DNAH1: variants seen among roughly 807,000 people sequenced by gnomAD.
DNAH1 encodes the protein dynein axonemal heavy chain 1, also known as axonemal beta dynein heavy chain 1.
Under a neutral mutation model 484.3 loss-of-function variants are expected in DNAH1, and 327 were observed. That is an observed-to-expected ratio of 0.68 (90% CI 0.62 to 0.74). The LOEUF is 0.74. Among genes scored for constraint, DNAH1 ranks in the 30% least tolerant of loss-of-function variants. The pLI, the probability that DNAH1 is intolerant of heterozygous loss-of-function variation, is 0.00. For synonymous variants in DNAH1, 2,192 were observed against 2,191.9 expected, an observed-to-expected ratio of 1.00 and a Z score of 0.00; for missense variants, 5,052 against 5,546.8, an observed-to-expected ratio of 0.91 and a Z score of 2.83.
chr3:52,346,912 C>T (rs1702168577), intron 11 of DNAH1, 142 bp downstream of exon 11: 2 of 908,182 alleles, frequency 2.2e-6, no homozygotes, highest in East Asian at 2.7e-5. Flanking sequence ...TCCCTGCAGG[C>T]TGCTGGGCAA....
intron 1 of DNAH1, among the ~76,000 whole-genome samples, chr3:52,318,212 G>T (rs956963118): frequency 4.6e-5 from 7 of 152,166 alleles, no homozygotes; most frequent in Non-Finnish European, 1.0e-4. Context: ...CCATCATGCC[G>T]GCTAATTTTT....
chr3:52,361,754 G>A lies in DNAH1; in HGVS notation c.4968G>A (p.Ala1656=), dbSNP rs190849840. 33 of 1,607,396 alleles carry A rather than the reference G, an allele frequency of 2.1e-5. No individual in the cohort carries two copies. Among genetic ancestry groups the A allele is most frequent in the East Asian group, 4.5e-5 (2 of 44,570 alleles). ...VAQQITTIQK[A]QQQRVERFMF... is the part of the protein sequence containing the mutation. ...AGCAGATCACCACCATCCAGAAGGC[G>A]CAGCAGCAGCGGGTGAGCCCGGGGG... The change falls in exon 30 of 78, where the codon GCG becomes GCA. Residue 1656 remains alanine, a synonymous_variant. Coordinates refer to ENST00000420323, the MANE Select transcript of DNAH1 (RefSeq NM_015512.5). The surrounding 1 kb of genome is among the most constrained non-coding windows in gnomAD (Gnocchi z 5.6).
chr3:52,327,051 T>C (rs1701372519), intron 5 of DNAH1, among the ~76,000 whole-genome samples, 160 bp downstream of exon 5: 1 of 150,640 alleles, frequency 6.6e-6, no homozygotes, highest in Non-Finnish European at 1.5e-5. Context: ...CCAGGTACTT[T>C]GAGCATCCTA....
At chr3:52,324,452 G>A (rs1051951002) in intron 3 of DNAH1, among the ~76,000 whole-genome samples, 3 of 152,082 alleles carry the variant, frequency 2.0e-5, no homozygotes, top group Non-Finnish European at 4.4e-5. Context: ...CTGAGTGGTG[G>A]TGAGGAACTG....
intron 8 of DNAH1, among the ~76,000 whole-genome samples, chr3:52,335,969 T>G (rs1414096819): frequency 1.3e-5 from 2 of 152,212 alleles, no homozygotes; most frequent in Non-Finnish European, 2.9e-5. Flanking sequence ...TTATTCATTT[T>G]TTTCCTTGTA....
intron 37 of DNAH1, 122 bp downstream of exon 37, chr3:52,369,040 C>A: frequency 8.8e-7 from 1 of 1,142,306 alleles, no homozygotes. Context: ...CCATCTCAGG[C>A]TGTCACCCTG....
At chr3:52,377,532 C>T (rs1044468609) in intron 46 of DNAH1, among the ~76,000 whole-genome samples, 2 of 151,936 alleles carry the variant, frequency 1.3e-5, no homozygotes, top group Non-Finnish European at 2.9e-5. Flanking sequence ...TCTCACCCAT[C>T]GCATCCAGGC....
At chr3:52,330,125 G>A (rs1295982034) in intron 6 of DNAH1, among the ~76,000 whole-genome samples, 1 of 152,164 alleles carries the variant, frequency 6.6e-6, no homozygotes, top group African/African-American at 2.4e-5. Context: ...TTGTTTTTAA[G>A]CCACTATGTA....
At chr3:52,385,283 G>A (rs2080513393) in intron 53 of DNAH1, 54 bp from the exon 54 acceptor site, 1 of 1,520,684 alleles carries the variant, frequency 6.6e-7, no homozygotes, top group African/African-American at 1.4e-5. Flanking sequence ...AGCAGGCCCT[G>A]TGCTCTCTCT....
upstream of DNAH1, among the ~76,000 whole-genome samples, chr3:52,312,664 G>GT (rs1373705096): frequency 1.3e-5 from 2 of 151,592 alleles, no homozygotes; most frequent in Non-Finnish European, 2.9e-5. Flanking sequence ...GTTTTGTTTT[G>GT]TTTTTTGAGA....
chr3:52,374,701 A>C (rs1182734897), intron 44 of DNAH1: 5 of 1,404,280 alleles, frequency 3.6e-6, no homozygotes, highest in Non-Finnish European at 5.0e-6. Context: ...TCAAAGACCC[A>C]TTGGAACAAG....
rs61734638 is a variant in DNAH1, at chr3:52,360,039, G to A, written c.4531G>A (p.Val1511Met). The A allele has an allele frequency of 0.025, 40,902 of 1,613,938 alleles. 619 individuals are homozygous for A. Among genetic ancestry groups the A allele is most frequent in the Non-Finnish European group, 0.03 (35,873 of 1,179,890 alleles). Reference protein sequence around the residue: ...DVVSKLIQENVVSVNDFQWIS... With the variant: ...DVVSKLIQENMVSVNDFQWIS... ...GGTGAGCAAGCTAATCCAGGAGAAC[G>A]TGGTCAGCGTGAATGACTTCCAGTG... is the stretch of plus-strand genomic sequence containing the variant. The change falls in exon 27 of 78, where the codon GTG (valine) becomes ATG (methionine). Residue 1511 changes from valine to methionine, a missense_variant. This residue lies in a region of DNAH1 where 2,929 missense variants were observed against 3,409.4 expected (regional missense o/e 0.86). Coordinates refer to ENST00000420323, the MANE Select transcript of DNAH1 (RefSeq NM_015512.5).
chr3:52,396,625 AG>A lies in DNAH1; in HGVS notation c.11439del (p.Glu3813AspfsTer83). On this transcript the variant is annotated frameshift_variant, in exon 72 of 78. Coordinates refer to ENST00000420323, the MANE Select transcript of DNAH1 (RefSeq NM_015512.5). LOFTEE classifies it high-confidence loss of function. ...DFLNSCHKVMEFKSLLLSLCL... is the reference protein window; with the variant it reads ...DFLNSCHKVMXFKSLLLSLCL... ...GCCTCCCACCTCCCCCAGGTGATGG[AG>A]TTCAAGTCTCTGCTGCTGTCTCTGT... 1 of 1,611,624 alleles carries A rather than the reference AG, an allele frequency of 6.2e-7. No individual in the cohort carries two copies. Among genetic ancestry groups the A allele is most frequent in the Non-Finnish European group, 8.5e-7 (1 of 1,178,374 alleles).
Position 52,322,468 on chromosome 3 carries a change from A to C in DNAH1, c.26A>C (p.Tyr9Ser). MEQPNSKGYSLGRTPQGPE... is the reference protein window; with the variant it reads MEQPNSKGSSLGRTPQGPE... ...ATGGAGCAGCCTAACAGTAAAGGCT[A>C]TAGCCTGGGAAGGACCCCTCAGGGC... Residue 9 changes from tyrosine to serine, a missense_variant, in exon 2 of 78, where the codon TAT becomes TCT. Transcript: ENST00000420323. The C allele has an allele frequency of 6.2e-7, 1 of 1,612,510 alleles. No individual in the cohort carries two copies. The highest frequency in any genetic ancestry group is 8.5e-7 in the Non-Finnish European group (1 of 1,179,406).
rs1227509594 is a variant in DNAH1 at position 52,354,635 on chromosome 3, A to G, written c.3481-208A>G. Among the ~76,000 whole-genome samples, 8 of 104,026 alleles carry G rather than the reference A, an allele frequency of 7.7e-5. No homozygotes were observed. In the East Asian group the frequency reaches 1.6e-3, roughly 21 times the overall value. 68.2% of individuals were successfully genotyped at this position (104,026 alleles called of 152,430 possible). ...GCTACAGAGCGAGACTCCACCTCAG[A>G]AAAAAAAAAAAAAAAGAGTGAATTG... On this transcript the variant is annotated intron_variant, in intron 20 of 77. Coordinates refer to ENST00000420323, the MANE Select transcript of DNAH1 (RefSeq NM_015512.5).
intron 5 of DNAH1, 80 bp downstream of exon 5, chr3:52,326,971 A>T (rs1249893128): frequency 6.7e-7 from 1 of 1,489,350 alleles, no homozygotes; most frequent in East Asian, 2.5e-5. Flanking sequence ...GTCAGATCTG[A>T]AAGGGGATTC....
In DNAH1 at chr3:52,347,774, A is replaced by G. The variant is rs375799150; in HGVS notation, c.1956-50A>G. On this transcript the variant is annotated intron_variant, in intron 11 of 77. Coordinates refer to ENST00000420323, the MANE Select transcript of DNAH1 (RefSeq NM_015512.5). ...AGGAAGGGCAGAGGGCTGCTCCTGC[A>G]CACAGGCCTCCTAGGCCTCTGCCCA... 367 of 1,500,804 alleles carry G rather than the reference A, an allele frequency of 2.4e-4. 1 individual carries two copies. The highest frequency in any genetic ancestry group is 6.5e-4 in the Admixed American group (29 of 44,522). 93.0% of individuals were successfully genotyped at this position (1,500,804 alleles called of 1,614,324 possible).
chr3:52,380,133 A>C lies in DNAH1; in HGVS notation c.7606A>C (p.Lys2536Gln). 1.3e-6 allele frequency: 2 copies of C among 1,588,128 alleles called. No homozygotes were observed. The highest frequency in any genetic ancestry group is 1.7e-6 in the Non-Finnish European group (2 of 1,167,218). The part of the protein sequence containing the change: ...KSYELITSES[K>Q]MMQVIEEYIE... ...CTACGAGCTCATCACCAGTGAGAGT[A>C]AGGTGAGGGGCCCAGGCAGGCGCCC... The change falls in exon 48 of 78, where the codon AAG becomes CAG. Residue 2536 changes from lysine (K) to glutamine (Q), a missense_variant and splice_region_variant. Around this residue, in one of 4 missense-constraint regions of DNAH1, gnomAD observed 2,929 missense variants for 3,409.4 expected, o/e 0.86. Transcript: ENST00000420323.
At position 52,375,272 on chromosome 3, in the gene DNAH1, G is replaced by C; in HGVS notation, c.7018G>C (p.Val2340Leu). 2 of 1,610,530 alleles carry C rather than the reference G, an allele frequency of 1.2e-6. No individual in the cohort carries two copies. The highest frequency in any genetic ancestry group is 1.7e-6 in the Non-Finnish European group (2 of 1,178,530). Residue 2340 changes from valine (V) to leucine (L), a missense_variant, in exon 45 of 78, where the codon GTC becomes CTC. By Grantham distance (32) the Val-to-Leu change is conservative. Around this residue, in one of 4 missense-constraint regions of DNAH1, gnomAD observed 2,929 missense variants for 3,409.4 expected, o/e 0.86. Transcript: ENST00000420323. ...AFKNLVDINF[V>L]CAMGPPGGGR... The stretch of plus-strand genomic sequence containing the variant: ...CAAGAACCTAGTGGACATCAACTTT[G>C]TCTGTGCCATGGGCCCCCCGGGTGG...
Sources: allele counts gnomAD v4.1 joint callset (sites outside exome capture counted in the v4.1 genomes callset), GRCh38; gene constraint gnomAD v4.1.1; regional missense constraint gnomAD v4.1.1; non-coding constraint Gnocchi (gnomAD v3.1); transcripts MANE v1.5; gene names NCBI Gene and HGNC (gene_info 2026-07-23, HGNC 2026-07-21).